The following CDC16 variants were observed in gnomAD, a reference collection of about 807,000 sequenced individuals.
CDC16 encodes the protein cell division cycle protein 16 homolog.
A neutral mutation model predicts 87.0 loss-of-function variants in CDC16; 34 were observed. That is an observed-to-expected ratio of 0.39 (90% confidence interval 0.30 to 0.52). The LOEUF (loss-of-function observed/expected upper bound fraction) is 0.52. Ranked by LOEUF, CDC16 falls within the 20% of genes least tolerant of loss-of-function variation. The pLI, the probability that CDC16 is intolerant of heterozygous loss-of-function variation, is 0.74. For synonymous variants in CDC16, 263 were observed against 260.6 expected, an observed-to-expected ratio of 1.01 and a Z score of -0.09; for missense variants, 653 against 751.9, an observed-to-expected ratio of 0.87 and a Z score of 1.54.
In CDC16 at chr13:114,239,411, A is replaced by T; in HGVS notation, c.302A>T (p.Lys101Ile). 6.2e-7 allele frequency: 1 copy of T among 1,613,468 alleles called. No homozygotes were observed. Among genetic ancestry groups the T allele is most frequent in the Non-Finnish European group, 8.5e-7 (1 of 1,179,466 alleles). Residue 101 changes from lysine to isoleucine, a missense_variant, in exon 5 of 18, where the codon AAA (lysine) becomes ATA (isoleucine). Physicochemically the swap from Lys to Ile is moderately radical, Grantham distance 102. Transcript: ENST00000356221. ...DVLDMEEPINKRLFEKYLKDE... is the reference protein window; with the variant it reads ...DVLDMEEPINIRLFEKYLKDE... ...CTTGACATGGAAGAGCCCATCAATA[A>T]AAGATTATTTGAAAAATACTTGAAG...
At chr13:114,270,923 T>A (rs866293587) in intron 17 of CDC16, among the ~76,000 whole-genome samples, 2 of 137,786 alleles carry the variant, frequency 1.5e-5, no homozygotes, top group Non-Finnish European at 3.1e-5. Context: ...CCTTTTTTTT[T>A]TTTTTTTTTT....
Position 114,257,070 on chromosome 13 carries a change from T to A in CDC16, c.1098-8T>A. On this transcript the variant is annotated splice_polypyrimidine_tract_variant and splice_region_variant and intron_variant, in intron 12 of 17. Transcript: ENST00000356221. ...GTGTTGAATATGTGAAATTTTCCAA[T>A]TTTTTAGGTGTCATTTGCCTATGCT... The A allele has an allele frequency of 2.6e-6, 4 of 1,522,056 alleles. No individual in the cohort carries two copies. The East Asian group carries it at 9.5e-5, about 36-fold the overall frequency. The allele number at this position is 1,522,056 out of a possible 1,614,324, so 94.3% of individuals were successfully genotyped here.
chr13:114,238,097 T>C (rs576513035), intron 3 of CDC16, among the ~76,000 whole-genome samples: 16 of 152,154 alleles, frequency 1.1e-4, no homozygotes, highest in African/African-American at 3.9e-4. Context: ...ACTCAGGGCC[T>C]GAAGTGGAGC....
chr13:114,250,456 C>T, intron 11 of CDC16, 93 bp from the exon 12 acceptor site: 1 of 1,209,340 alleles, frequency 8.3e-7, no homozygotes, highest in East Asian at 2.6e-5. Flanking sequence ...CGCACCACTG[C>T]ACTCCAGCCT....
Position 114,242,252 on chromosome 13 carries a change from A to G in CDC16, c.513A>G (p.Thr171=), listed in dbSNP as rs781136127. 1.2e-6 allele frequency: 2 copies of G among 1,613,894 alleles called. No individual in the cohort carries two copies. Among genetic ancestry groups the G allele is most frequent in the Non-Finnish European group, 1.7e-6 (2 of 1,179,918 alleles). ...VYCFEAFDLL[T]SHHMLTAQEE... Reference sequence around the variant, plus strand: ...GTTTTGAAGCGTTCGATCTTTTAACATCACATCACATGCTGACAGCACAAG... The same window carrying G: ...GTTTTGAAGCGTTCGATCTTTTAACGTCACATCACATGCTGACAGCACAAG... The change falls in exon 6 of 18, where the codon ACA becomes ACG. Residue 171 remains threonine (T), a synonymous_variant. Coordinates refer to ENST00000356221, the MANE Select transcript of CDC16 (RefSeq NM_001078645.3).
At chr13:114,265,892 C>T (rs967017571) in intron 17 of CDC16, among the ~76,000 whole-genome samples, 1 of 151,996 alleles carries the variant, frequency 6.6e-6, no homozygotes, top group Non-Finnish European at 1.5e-5. Context: ...CTCTGCCCAC[C>T]GCAACCCCTG....
rs750461680 is a variant in CDC16 at position 114,265,216 on chromosome 13, A to G, written c.1579A>G (p.Ile527Val). 6.8e-6 allele frequency: 11 copies of G among 1,609,064 alleles called. No homozygotes were observed. In the South Asian group the frequency reaches 9.9e-5, roughly 14 times the overall value. Residue 527 changes from isoleucine (I) to valine (V), a missense_variant, in exon 17 of 18, where the codon ATT becomes GTT. Ile to Val is a conservative substitution (Grantham distance 29). Transcript: ENST00000356221. ...TMLGHCIEMY[I>V]GDSEAYIGAD... ...GCTTGGTCATTGCATCGAAATGTAC[A>G]TTGGTGATTCTGAAGCTTATATTGG...
intron 12 of CDC16, among the ~76,000 whole-genome samples, chr13:114,252,367 C>T (rs2082244898): frequency 6.6e-6 from 1 of 152,226 alleles, no homozygotes; most frequent in Admixed American, 6.5e-5. Flanking sequence ...TAGGCCCTAT[C>T]TTCAAGTACA....
At chr13:114,271,839 G>A (rs531269855) in intron 17 of CDC16, among the ~76,000 whole-genome samples, 7 of 152,250 alleles carry the variant, frequency 4.6e-5, no homozygotes, top group East Asian at 1.9e-4. Context: ...GGCCTCATAC[G>A]TATTTAGGAG....
chr13:114,240,937 CA>C lies in CDC16; in HGVS notation c.382-1183del, dbSNP rs759361916. ...CATTATTATTTATTTTGTGAAATTA[CA>C]TTTTTAAAAAACAACTCCTAGGATA... On this transcript the variant is annotated intron_variant, in intron 5 of 17. Coordinates refer to ENST00000356221, the MANE Select transcript of CDC16 (RefSeq NM_001078645.3). Among the ~76,000 whole-genome samples the C allele has an allele frequency of 5.8e-4, 88 of 152,116 alleles. 1 individual carries two copies. The highest frequency in any genetic ancestry group is 3.7e-4 in the Non-Finnish European group (25 of 67,962).
intron 12 of CDC16, among the ~76,000 whole-genome samples, chr13:114,255,592 A>G (rs1229912530): frequency 1.4e-5 from 2 of 142,230 alleles, no homozygotes; most frequent in Non-Finnish European, 3.1e-5. Flanking sequence ...TTCCAAAATT[A>G]AAAAAAAAAA....
chr13:114,257,407 A>T (rs1309984486), intron 13 of CDC16, among the ~76,000 whole-genome samples, 177 bp downstream of exon 13: 1 of 152,216 alleles, frequency 6.6e-6, no homozygotes, highest in Non-Finnish European at 1.5e-5. Context: ...ATTTCCTTAA[A>T]AATTCTAAAC....
Position 114,272,710 on chromosome 13 carries a change from T to C in CDC16, c.*267T>C. ...TTTTTTTTTCTTTTCCAATAAACTT[T>C]TATTTTGGACTAATTTTTGATTTAC... On this transcript the variant is annotated 3_prime_UTR_variant, in exon 18 of 18. Transcript: ENST00000356221. 3.2e-6 allele frequency: 1 copy of C among 311,400 alleles called. No homozygotes were observed. Among genetic ancestry groups the C allele is most frequent in the Non-Finnish European group, 5.9e-6 (1 of 170,558 alleles). 19.3% of individuals were successfully genotyped at this position (311,400 alleles called of 1,614,324 possible). A position where few individuals can be genotyped will look rare whatever the true frequency, so the allele number is the denominator to read the frequency against.
chr13:114,271,210 C>T (rs776941725), intron 17 of CDC16, among the ~76,000 whole-genome samples: 13 of 152,020 alleles, frequency 8.6e-5, no homozygotes, highest in African/African-American at 2.4e-4. Flanking sequence ...CGTGAGCCAT[C>T]GCGCCCGGCC....
intron 17 of CDC16, among the ~76,000 whole-genome samples, chr13:114,270,646 G>A (rs1365569123): frequency 6.6e-6 from 1 of 152,174 alleles, no homozygotes; most frequent in African/African-American, 2.4e-5. Flanking sequence ...TGTACATAGG[G>A]TTCATTCAGC....
At chr13:114,264,998 A>G (rs17291529) in intron 16 of CDC16, 152 bp from the exon 17 acceptor site, 3 of 625,336 alleles carry the variant, frequency 4.8e-6, no homozygotes, top group Non-Finnish European at 8.8e-6. Flanking sequence ...CCCATAACCA[A>G]CTTCAACAAT....
At chr13:114,241,461 T>C (rs984715075) in intron 5 of CDC16, among the ~76,000 whole-genome samples, 1 of 152,226 alleles carries the variant, frequency 6.6e-6, no homozygotes, top group Admixed American at 6.5e-5. Context: ...GAGGGGTGTC[T>C]GCCTATCACA....
At chr13:114,259,021 C>G (rs1179091978) in intron 13 of CDC16, among the ~76,000 whole-genome samples, 1 of 151,224 alleles carries the variant, frequency 6.6e-6, no homozygotes, top group Non-Finnish European at 1.5e-5. Flanking sequence ...ATCACTTAAA[C>G]CCGGGAGGCA....
Position 114,262,911 on chromosome 13 carries a change from A to G in CDC16, c.1409A>G (p.Gln470Arg), listed in dbSNP as rs774930918. 1.1e-5 allele frequency: 17 copies of G among 1,614,012 alleles called. No individual in the cohort carries two copies. The Admixed American group carries it at 2.8e-4, about 27-fold the overall frequency. Residue 470 changes from glutamine to arginine, a missense_variant, in exon 16 of 18, where the codon CAG becomes CGG. By Grantham distance (43) the Gln-to-Arg change is conservative. Transcript: ENST00000356221. Reference protein sequence around the residue: ...KYAEALDYHRQALVLIPQNAS... With the variant: ...KYAEALDYHRRALVLIPQNAS... The stretch of plus-strand genomic sequence containing the variant: ...GCTGAGGCCTTGGATTACCACCGTC[A>G]GGCACTGGTGTTGATTCCTCAGAAC...
Sources: gnomAD v4.1 joint callset for allele counts (sites outside exome capture counted in the v4.1 genomes callset) on GRCh38, gnomAD v4.1.1 for gene constraint, MANE v1.5 for transcripts, NCBI Gene and HGNC (gene_info 2026-07-23, HGNC 2026-07-21) for gene names.